Variants in TBC1D12 observed in about 807,000 individuals in gnomAD.
TBC1D12 encodes the protein TBC1 domain family member 12, also known as TBC1 domain family, member 12.
In TBC1D12, 56 loss-of-function variants were observed where a neutral mutation model predicts 86.7. The ratio of observed to expected loss-of-function variants is 0.65; its 90% CI spans 0.52 to 0.81. The LOEUF (loss-of-function observed/expected upper bound fraction) is 0.81. Among genes scored for constraint, TBC1D12 ranks in the 30% least tolerant of loss-of-function variants. The pLI, the probability that TBC1D12 is intolerant of heterozygous loss-of-function variation, is 0.00. For synonymous variants in TBC1D12, 421 were observed against 411.7 expected, an observed-to-expected ratio of 1.02 and a Z score of -0.27; for missense variants, 1,023 against 1,038.8, an observed-to-expected ratio of 0.98 and a Z score of 0.21.
chr10:94,511,762 G>C (rs765770262), intron 9 of TBC1D12, 108 bp downstream of exon 9: 5 of 790,648 alleles, frequency 6.3e-6, no homozygotes, highest in Non-Finnish European at 1.0e-5. Context: ...TTCTATGTCT[G>C]TTTTTCTTAG....
intron 1 of TBC1D12, among the ~76,000 whole-genome samples, chr10:94,428,286 T>C (rs1377840764): frequency 6.7e-6 from 1 of 148,952 alleles, no homozygotes; most frequent in Non-Finnish European, 1.5e-5. Context: ...GAACTTCTTT[T>C]TTTTTTTTTT....
chr10:94,409,909 T>G (rs1456770825), intron 1 of TBC1D12, among the ~76,000 whole-genome samples: 1 of 152,190 alleles, frequency 6.6e-6, no homozygotes, highest in East Asian at 1.9e-4. Flanking sequence ...AACATCACCT[T>G]ATATTTATGG....
At chr10:94,498,452 TTTTG>T (rs1399121940) in intron 5 of TBC1D12, among the ~76,000 whole-genome samples, 1 of 152,032 alleles carries the variant, frequency 6.6e-6, no homozygotes, top group Admixed American at 6.6e-5. Context: ...GTTTTTTTGT[TTTTG>T]TTTTTGTTTT....
intron 3 of TBC1D12, among the ~76,000 whole-genome samples, chr10:94,486,618 C>T (rs1471135851): frequency 6.6e-6 from 1 of 151,844 alleles, no homozygotes; most frequent in Non-Finnish European, 1.5e-5. Context: ...TTACAAAATT[C>T]CTCTTGTTAT....
At chr10:94,508,500 T>A (rs1182951878) in intron 7 of TBC1D12, 1 of 151,960 alleles carries the variant, frequency 6.6e-6, no homozygotes, top group Admixed American at 6.6e-5. Flanking sequence ...TGATCCGTCA[T>A]CAAATTCACT....
Position 94,531,413 on chromosome 10 carries a change from T to TG in TBC1D12, c.2213dup (p.Cys738TrpfsTer10), listed in dbSNP as rs775063327. On this transcript the variant is annotated frameshift_variant, in exon 12 of 13. Coordinates refer to ENST00000225235, the MANE Select transcript of TBC1D12 (RefSeq NM_015188.2). LOFTEE classifies it high-confidence loss of function. Reference sequence around the variant, plus strand: ...TATCACATCGGAAAAGCTGTTCAGTTGTATTGCAGCCATTCAGATGCAGAA... The same window carrying TG: ...TATCACATCGGAAAAGCTGTTCAGTTGGTATTGCAGCCATTCAGATGCAGAA... 6.2e-7 allele frequency: 1 copy of TG among 1,614,126 alleles called. No individual in the cohort carries two copies. The highest frequency in any genetic ancestry group is 1.1e-5 in the South Asian group (1 of 91,068).
At chr10:94,517,279 G>A (rs1490502169) in intron 9 of TBC1D12, among the ~76,000 whole-genome samples, 2 of 152,114 alleles carry the variant, frequency 1.3e-5, no homozygotes, top group East Asian at 3.9e-4. Context: ...TCAGGAGGCT[G>A]AGCCACGAGA....
intron 2 of TBC1D12, among the ~76,000 whole-genome samples, chr10:94,457,349 G>C (rs973699375): frequency 1.3e-5 from 2 of 151,928 alleles, no homozygotes; most frequent in African/African-American, 4.8e-5. Flanking sequence ...TTTTTTTGTA[G>C]GCAACACATG....
intron 1 of TBC1D12, among the ~76,000 whole-genome samples, chr10:94,438,514 G>A (rs967916080): frequency 7.2e-5 from 11 of 152,050 alleles, no homozygotes; most frequent in African/African-American, 2.4e-4. Context: ...CAACCAAAAT[G>A]TACAACCCTA....
At chr10:94,474,613 A>T in intron 2 of TBC1D12, 55 bp from the exon 3 acceptor site, 1 of 1,218,132 alleles carries the variant, frequency 8.2e-7, no homozygotes, top group Non-Finnish European at 1.2e-6. Context: ...CAGATTTAAT[A>T]GTACAAACTA....
chr10:94,493,328 TA>T, intron 3 of TBC1D12, 36 bp from the exon 4 acceptor site: 4 of 1,514,232 alleles, frequency 2.6e-6, no homozygotes, highest in Admixed American at 1.8e-5. Context: ...GTTAATCTTT[TA>T]AAAATTGTCT....
intron 2 of TBC1D12, among the ~76,000 whole-genome samples, chr10:94,443,046 GT>G (rs2055404172): frequency 6.6e-6 from 1 of 152,008 alleles, no homozygotes; most frequent in African/African-American, 2.4e-5. Context: ...ATATTCTTTT[GT>G]AGTTGGTCCT....
Position 94,447,752 on chromosome 10 carries a change from T to G in TBC1D12, c.1095+5733T>G, listed in dbSNP as rs574447344. ...TAGTTCAGTTGACCTGAGTTTTTTGTTTTTTTTTCTAAATTAGTAGGTAAA... is the reference window on the plus strand; with the variant it reads ...TAGTTCAGTTGACCTGAGTTTTTTGGTTTTTTTTCTAAATTAGTAGGTAAA... On this transcript the variant is annotated intron_variant, in intron 2 of 12. Coordinates refer to ENST00000225235, the MANE Select transcript of TBC1D12 (RefSeq NM_015188.2). 1,457 of 908,982 alleles carry G rather than the reference T, an allele frequency of 1.6e-3. 5 individuals carry two copies. The highest frequency in any genetic ancestry group is 1.8e-3 in the Non-Finnish European group (1,341 of 763,086). 56.3% of individuals were successfully genotyped at this position (908,982 alleles called of 1,614,324 possible).
intron 2 of TBC1D12, among the ~76,000 whole-genome samples, chr10:94,468,498 A>G (rs1233096822): frequency 6.6e-6 from 1 of 152,038 alleles, no homozygotes; most frequent in Non-Finnish European, 1.5e-5. Context: ...TTCCTTCAGC[A>G]GTTTAAAGAT....
intron 9 of TBC1D12, among the ~76,000 whole-genome samples, chr10:94,512,010 T>G (rs2056533999): frequency 6.6e-6 from 1 of 152,124 alleles, no homozygotes; most frequent in Non-Finnish European, 1.5e-5. Flanking sequence ...GAAGGATAGG[T>G]ACCTGTCCCT....
chr10:94,481,217 T>C (rs1262290601), intron 3 of TBC1D12, among the ~76,000 whole-genome samples: 1 of 152,162 alleles, frequency 6.6e-6, no homozygotes, highest in East Asian at 1.9e-4. Context: ...GAGCATTGGC[T>C]TCAACTTAAA....
intron 1 of TBC1D12, among the ~76,000 whole-genome samples, chr10:94,423,132 T>G (rs1049103133): frequency 2.0e-5 from 3 of 151,298 alleles, no homozygotes; most frequent in African/African-American, 7.3e-5. Flanking sequence ...GAGAAAAAGA[T>G]AAAGCAAAAA....
chr10:94,434,669 G>A (rs923756787), intron 1 of TBC1D12, among the ~76,000 whole-genome samples: 3 of 152,024 alleles, frequency 2.0e-5, no homozygotes, highest in African/African-American at 7.3e-5. Context: ...CCTTTGGGAG[G>A]CCGAGGCGGG....
intron 3 of TBC1D12, among the ~76,000 whole-genome samples, chr10:94,489,188 G>A (rs989602843): frequency 6.6e-6 from 1 of 152,206 alleles, no homozygotes; most frequent in African/African-American, 2.4e-5. Context: ...TTCAGCTGCT[G>A]GGATGGGCGC....
Sources: gnomAD v4.1 joint callset for allele counts (sites outside exome capture counted in the v4.1 genomes callset) on GRCh38, gnomAD v4.1.1 for gene constraint, MANE v1.5 for transcripts, NCBI Gene and HGNC (gene_info 2026-07-23, HGNC 2026-07-21) for gene names.